CCND1: variants seen among roughly 807,000 people sequenced by gnomAD.
CCND1 encodes G1/S-specific cyclin-D1.
In CCND1, 9 loss-of-function variants were observed where a neutral mutation model predicts 26.1. That is an observed-to-expected ratio of 0.35 (90% CI 0.21 to 0.60). CCND1 has a LOEUF of 0.60. Among genes scored for constraint, CCND1 ranks in the 20% least tolerant of loss-of-function variants. The pLI is 0.79. For missense variants in CCND1, 335 were observed against 392.9 expected (o/e 0.85, Z 1.25); for synonymous variants, 194 against 166.1 (o/e 1.17, Z -1.29).
intron 3 of CCND1, among the ~76,000 whole-genome samples, chr11:69,647,661 A>G (rs1018713922): frequency 1.3e-5 from 2 of 152,246 alleles, no homozygotes; most frequent in Admixed American, 1.3e-4. Flanking sequence ...ACGTGATAAC[A>G]TTCACAAGGC....
At chr11:69,644,186 G>A in intron 3 of CCND1, 195 bp downstream of exon 3, 1 of 620,944 alleles carries the variant, frequency 1.6e-6, no homozygotes, top group Non-Finnish European at 2.9e-6. Flanking sequence ...AGGGAGATTT[G>A]CTCCCTCACG....
chr11:69,645,696 G>A (rs1855769273), intron 3 of CCND1, among the ~76,000 whole-genome samples: 3 of 152,216 alleles, frequency 2.0e-5, no homozygotes. Context: ...ACTTACGGCT[G>A]CTTAAAGTCA....
intron 4 of CCND1, among the ~76,000 whole-genome samples, chr11:69,649,888 C>G (rs913737863): frequency 1.3e-5 from 2 of 152,238 alleles, no homozygotes; most frequent in African/African-American, 4.8e-5. Flanking sequence ...CCCCAGGCCT[C>G]TGGCCTCAGT....
chr11:69,645,123 C>T (rs1855762482), intron 3 of CCND1, among the ~76,000 whole-genome samples: 1 of 152,188 alleles, frequency 6.6e-6, no homozygotes, highest in Admixed American at 6.5e-5. Flanking sequence ...CAAGCGAGTC[C>T]CCAAGGTGGG....
rs973503325 is a variant in CCND1, at chr11:69,653,707, G to A, written c.*2425G>A. Reference sequence around the variant, plus strand: ...CTGGGCACTTCATCTGATCGGGGGCGTAGCATCATAGTAGTTTTTACAGCT... The same window carrying A: ...CTGGGCACTTCATCTGATCGGGGGCATAGCATCATAGTAGTTTTTACAGCT... On this transcript the variant is annotated 3_prime_UTR_variant, in exon 5 of 5. Transcript: ENST00000227507. 9.6e-6 allele frequency: 3 copies of A among 311,348 alleles called. No individual in the cohort carries two copies. Among genetic ancestry groups the A allele is most frequent in the Middle Eastern group, 8.9e-4 (1 of 1,124 alleles). 19.3% of individuals were successfully genotyped at this position (311,348 alleles called of 1,614,324 possible). A position where few individuals can be genotyped will look rare whatever the true frequency, so the allele number is the denominator to read the frequency against.
chr11:69,645,614 GT>G (rs1336362742), intron 3 of CCND1, among the ~76,000 whole-genome samples: 2 of 152,212 alleles, frequency 1.3e-5, no homozygotes, highest in Non-Finnish European at 2.9e-5. Context: ...GTCCTGACCC[GT>G]GGCCACCCCA....
In CCND1 at chr11:69,648,562, C is replaced by T. The variant is rs185101701; in HGVS notation, c.723+420C>T. On this transcript the variant is annotated intron_variant, in intron 4 of 4. Coordinates refer to ENST00000227507, the MANE Select transcript of CCND1 (RefSeq NM_053056.3). ...CTGTGAGGTCCGAGACACCGGACAA[C>T]GGGCGGATAGAGACAGCCTTGTTGT... 7.9e-4 allele frequency among the ~76,000 whole-genome samples: 120 copies of T among 152,346 alleles called. No homozygotes were observed. The South Asian group carries it at 0.017, about 21-fold the overall frequency.
intron 4 of CCND1, 48 bp from the exon 5 acceptor site, chr11:69,651,070 C>T (rs780935124): frequency 1.3e-6 from 2 of 1,580,032 alleles, no homozygotes; most frequent in Admixed American, 1.8e-5. Context: ...CTGCAGGCCC[C>T]TTCTAAGGAC....
Position 69,641,200 on chromosome 11 carries a change from C to T in CCND1, c.-114C>T. 1 of 1,064,706 alleles carries T rather than the reference C, an allele frequency of 9.4e-7. No individual in the cohort carries two copies. Among genetic ancestry groups the T allele is most frequent in the Non-Finnish European group, 1.4e-6 (1 of 707,616 alleles). 66.0% of individuals were successfully genotyped at this position (1,064,706 alleles called of 1,614,324 possible). On this transcript the variant is annotated 5_prime_UTR_variant, in exon 1 of 5. Transcript: ENST00000227507. ...AGCAGCGAGCAGCAGAGTCCGCACG[C>T]TCCGGCGAGGGGCAGAAGAGCGCGA...
At position 69,641,264 on chromosome 11, in the gene CCND1, C is replaced by T. The variant is rs767160467; in HGVS notation, c.-50C>T. ...AGCAGAAGCGAGAGCCGAGCGCGGACCCAGCCAGGACCCACAGCCCTCCCC... is the reference window on the plus strand; with the variant it reads ...AGCAGAAGCGAGAGCCGAGCGCGGATCCAGCCAGGACCCACAGCCCTCCCC... On this transcript the variant is annotated 5_prime_UTR_variant, in exon 1 of 5. Transcript: ENST00000227507. The T allele has an allele frequency of 3.9e-6, 6 of 1,557,524 alleles. No individual in the cohort carries two copies. The East Asian group carries it at 9.0e-5, about 23-fold the overall frequency.
chr11:69,641,323 C>T lies in CCND1; in HGVS notation c.10C>T (p.Gln4Ter), dbSNP rs2120079618. MEH[Q>*]LLCCEVETIR... ...AGGAAGAGCCCCAGCCATGGAACAC[C>T]AGCTCCTGTGCTGCGAAGTGGAAAC... Residue 4 changes from glutamine to a stop codon, truncating the protein, a stop_gained, in exon 1 of 5, where the codon CAG becomes TAG. Coordinates refer to ENST00000227507, the MANE Select transcript of CCND1 (RefSeq NM_053056.3). LOFTEE classifies it high-confidence loss of function. 1 of 1,612,062 alleles carries T rather than the reference C, an allele frequency of 6.2e-7. No homozygotes were observed. The highest frequency in any genetic ancestry group is 8.5e-7 in the Non-Finnish European group (1 of 1,179,972).
chr11:69,651,165 A>T lies in CCND1; in HGVS notation c.771A>T (p.Ser257=), dbSNP rs1261513674. Residue 257 remains serine, a synonymous_variant, in exon 5 of 5, where the codon TCA becomes TCT. Transcript: ENST00000227507. ...CQEQIEALLE[S]SLRQAQQNMD... ...AGCAGATCGAAGCCCTGCTGGAGTC[A>T]AGCCTGCGCCAGGCCCAGCAGAACA... The T allele has an allele frequency of 6.2e-7, 1 of 1,612,476 alleles. No homozygotes were observed. The highest frequency in any genetic ancestry group is 8.5e-7 in the Non-Finnish European group (1 of 1,179,220).
rs764070397 is a variant in CCND1 at position 69,653,158 on chromosome 11, C to A, written c.*1876C>A. 4.9e-6 allele frequency: 3 copies of A among 618,158 alleles called. No individual in the cohort carries two copies. The highest frequency in any genetic ancestry group is 1.9e-5 in the South Asian group (1 of 52,558). 38.3% of individuals were successfully genotyped at this position (618,158 alleles called of 1,614,324 possible). On this transcript the variant is annotated 3_prime_UTR_variant, in exon 5 of 5. Coordinates refer to ENST00000227507, the MANE Select transcript of CCND1 (RefSeq NM_053056.3). ...AGGCTGACGTGTGAGGGAGGACAGG[C>A]GGGAGGAGGTGTGAGGAGGAGGCTC...
intron 2 of CCND1, 145 bp downstream of exon 2, chr11:69,643,391 T>G: frequency 1.6e-6 from 1 of 608,130 alleles, no homozygotes; most frequent in Non-Finnish European, 2.6e-6. Flanking sequence ...CGGGCGTCCC[T>G]GTCCGGGGAG....
At chr11:69,647,209 C>T (rs1016380773) in intron 3 of CCND1, among the ~76,000 whole-genome samples, 10 of 152,012 alleles carry the variant, frequency 6.6e-5, no homozygotes, top group African/African-American at 1.7e-4. Flanking sequence ...TTTTTGTCAT[C>T]GGCCAGAAAT....
At chr11:69,645,679 A>G (rs968706447) in intron 3 of CCND1, among the ~76,000 whole-genome samples, 2 of 152,224 alleles carry the variant, frequency 1.3e-5, no homozygotes, top group Non-Finnish European at 2.9e-5. Context: ...CTGTGGAGAC[A>G]AGAGTGACTT....
Position 69,652,963 on chromosome 11 carries a change from G to A in CCND1, c.*1681G>A, listed in dbSNP as rs1320348405. The A allele has an allele frequency of 5.8e-6, 2 of 343,972 alleles. No individual in the cohort carries two copies. The highest frequency in any genetic ancestry group is 1.0e-5 in the Non-Finnish European group (2 of 190,530). The allele number at this position is 343,972 out of a possible 1,614,324, so 21.3% of individuals were successfully genotyped here. A position where few individuals can be genotyped will look rare whatever the true frequency, so the allele number is the denominator to read the frequency against. On this transcript the variant is annotated 3_prime_UTR_variant, in exon 5 of 5. Coordinates refer to ENST00000227507, the MANE Select transcript of CCND1 (RefSeq NM_053056.3). ...AGAGTCATCTGATTGGACAGGCATG[G>A]GTGCAAGGAAAATTAGGGTACTCAA... is the stretch of plus-strand genomic sequence containing the variant.
In CCND1 at chr11:69,654,070, T is replaced by G. The variant is rs3212909; in HGVS notation, c.*2788T>G. ...CTGCGGGCCCACGTGGTTGGGGCCCTGCCCTGGCAGGGTCATCCTGTGCTC... is the reference window on the plus strand; with the variant it reads ...CTGCGGGCCCACGTGGTTGGGGCCCGGCCCTGGCAGGGTCATCCTGTGCTC... On this transcript the variant is annotated 3_prime_UTR_variant, in exon 5 of 5. Transcript: ENST00000227507. This position sits in a 1 kb window ranked among gnomAD's most constrained non-coding sequence, Gnocchi z 6.3. 814 of 614,848 alleles carry G rather than the reference T, an allele frequency of 1.3e-3. 4 individuals carry two copies. Among genetic ancestry groups the G allele is most frequent in the African/African-American group, 0.013 (692 of 54,752 alleles). The allele number at this position is 614,848 out of a possible 1,614,324, so 38.1% of individuals were successfully genotyped here. A position where few individuals can be genotyped will look rare whatever the true frequency, so the allele number is the denominator to read the frequency against.
At chr11:69,642,652 C>T (rs1463147953) in intron 1 of CCND1, among the ~76,000 whole-genome samples, 1 of 152,126 alleles carries the variant, frequency 6.6e-6, no homozygotes, top group Non-Finnish European at 1.5e-5. Flanking sequence ...GCAGGCGCGG[C>T]GCCCAACCCC....
Sources: gnomAD v4.1 joint callset for allele counts (sites outside exome capture counted in the v4.1 genomes callset) on GRCh38, gnomAD v4.1.1 for gene constraint, Gnocchi (gnomAD v3.1) non-coding constraint, MANE v1.5 for transcripts, NCBI Gene and HGNC (gene_info 2026-07-23, HGNC 2026-07-21) for gene names.